SEMA6D: variants seen among roughly 807,000 people sequenced by gnomAD.
SEMA6D encodes semaphorin-6D.
Under a neutral mutation model 106.6 loss-of-function variants are expected in SEMA6D, and 35 were observed. That is an observed-to-expected ratio of 0.33 (90% CI 0.25 to 0.44). SEMA6D has a LOEUF of 0.44. Among genes scored for constraint, SEMA6D ranks in the 20% least tolerant of loss-of-function variants. SEMA6D has a pLI of 1.00. For synonymous variants in SEMA6D, 499 were observed against 487.7 expected (o/e 1.02, Z -0.31); for missense variants, 1,185 against 1,345.9 (o/e 0.88, Z 1.87).
rs531639816 is a variant in SEMA6D at position 47,520,633 on chromosome 15, G to C, written c.-87+50088G>C. Among the ~76,000 whole-genome samples the C allele has an allele frequency of 3.3e-5, 5 of 152,344 alleles. No homozygotes were observed. The East Asian group carries it at 5.8e-4, about 18-fold the overall frequency. ...CTTCAGAAACTTCTGGAAGCTGGTT[G>C]TTTCTGAGAAGTATTCTGTGAACAC... On this transcript the variant is annotated intron_variant, in intron 3 of 19. Transcript: ENST00000558014.
intron 3 of SEMA6D, among the ~76,000 whole-genome samples, chr15:47,480,518 G>A (rs113136474): frequency 0.035 from 5,302 of 152,024 alleles, 239 homozygotes; most frequent in African/African-American, 0.1. Flanking sequence ...CTCTGCATTC[G>A]TCAGCTTCCC....
At chr15:47,362,269 T>G (rs2038840341) in intron 1 of SEMA6D, among the ~76,000 whole-genome samples, 1 of 152,166 alleles carries the variant, frequency 6.6e-6, no homozygotes, top group Non-Finnish European at 1.5e-5. Context: ...GGTGAAGCTC[T>G]GTGAGAATAG....
intron 2 of SEMA6D, among the ~76,000 whole-genome samples, chr15:47,442,710 C>A (rs557911689): frequency 6.6e-6 from 1 of 152,114 alleles, no homozygotes; most frequent in Non-Finnish European, 1.5e-5. Context: ...TTGCTCAGAT[C>A]TGGAATGCCT....
At chr15:47,263,154 A>G (rs2034155765) in intron 1 of SEMA6D, among the ~76,000 whole-genome samples, 1 of 152,192 alleles carries the variant, frequency 6.6e-6, no homozygotes, top group Non-Finnish European at 1.5e-5. Flanking sequence ...TTTTATGATG[A>G]AGATGCCAAA....
chr15:47,270,840 A>C (rs1175004805), intron 1 of SEMA6D, among the ~76,000 whole-genome samples: 1 of 114,914 alleles, frequency 8.7e-6, no homozygotes, highest in Non-Finnish European at 2.2e-5. Context: ...CTAAAAATAC[A>C]AAAAAAAAGC....
chr15:47,455,183 T>C (rs988297028), intron 2 of SEMA6D, among the ~76,000 whole-genome samples: 4 of 151,742 alleles, frequency 2.6e-5, no homozygotes, highest in Admixed American at 6.6e-5. Context: ...GAGACCATAA[T>C]TGGAGGAAGA....
At chr15:47,674,004 T>C (rs2078190777) in intron 4 of SEMA6D, among the ~76,000 whole-genome samples, 1 of 152,130 alleles carries the variant, frequency 6.6e-6, no homozygotes, top group Non-Finnish European at 1.5e-5. Context: ...TCCATTCCTT[T>C]TGGCGGGTTT....
intron 3 of SEMA6D, among the ~76,000 whole-genome samples, chr15:47,760,665 A>G (rs200863475): frequency 7.6e-5 from 4 of 52,560 alleles, no homozygotes; most frequent in South Asian, 6.2e-4. Context: ...GCAGCAGGGG[A>G]AAAAAAAAAA....
At chr15:47,288,250 T>G (rs569305084) in intron 1 of SEMA6D, among the ~76,000 whole-genome samples, 1 of 152,290 alleles carries the variant, frequency 6.6e-6, no homozygotes, top group African/African-American at 2.4e-5. Flanking sequence ...CATTTCTATC[T>G]TGGCTTGCTG....
chr15:47,552,577 A>G (rs2045737576), intron 3 of SEMA6D, among the ~76,000 whole-genome samples: 1 of 144,366 alleles, frequency 6.9e-6, no homozygotes, highest in Non-Finnish European at 1.5e-5. Flanking sequence ...GGCACCAAGA[A>G]GTGTATGTAT....
intron 1 of SEMA6D, among the ~76,000 whole-genome samples, chr15:47,725,214 G>A (rs937617919): frequency 1.3e-5 from 2 of 152,158 alleles, no homozygotes; most frequent in Admixed American, 1.3e-4. Flanking sequence ...CAGGTTTTTT[G>A]AGGCTATAGT....
chr15:47,253,695 A>G (rs756904159), intron 1 of SEMA6D, among the ~76,000 whole-genome samples: 2 of 152,042 alleles, frequency 1.3e-5, no homozygotes, highest in Non-Finnish European at 2.9e-5. Flanking sequence ...TCTCTATTCT[A>G]TCCCATTGGT....
chr15:47,694,062 C>T (rs962371079), intron 4 of SEMA6D, among the ~76,000 whole-genome samples: 5 of 152,096 alleles, frequency 3.3e-5, no homozygotes, highest in African/African-American at 1.2e-4. Context: ...GAGTGGTCCT[C>T]AAAGAGTAGC....
chr15:47,206,314 A>G (rs1400960590), intron 1 of SEMA6D, among the ~76,000 whole-genome samples: 2 of 152,172 alleles, frequency 1.3e-5, no homozygotes, highest in Non-Finnish European at 2.9e-5. Context: ...ATGAAAAAGA[A>G]CTCATGGCCA....
At chr15:47,766,980 A>T (rs1244505297) in intron 16 of SEMA6D, 57 bp from the exon 17 acceptor site, 27 of 1,006,486 alleles carry the variant, frequency 2.7e-5, no homozygotes, top group East Asian at 5.4e-5. Flanking sequence ...GAATTCATAA[A>T]TTTTTGCTTT....
At chr15:47,739,732 A>G (rs1027990976) in intron 1 of SEMA6D, among the ~76,000 whole-genome samples, 1 of 152,224 alleles carries the variant, frequency 6.6e-6, no homozygotes, top group African/African-American at 2.4e-5. Flanking sequence ...CTTCCAAAGA[A>G]TATTCCAAGA....
chr15:47,673,323 A>C (rs963006775), intron 4 of SEMA6D, among the ~76,000 whole-genome samples: 1 of 152,246 alleles, frequency 6.6e-6, no homozygotes, highest in Non-Finnish European at 1.5e-5. Flanking sequence ...CAGGCTGTGA[A>C]GGATGAGAAA....
At chr15:47,605,287 C>T (rs1361712059) in intron 4 of SEMA6D, 1 of 152,158 alleles carries the variant, frequency 6.6e-6, no homozygotes, top group African/African-American at 2.4e-5. Context: ...CTTACATGTT[C>T]GCCTCTCCAT....
rs201080850 is a variant in SEMA6D at position 47,264,353 on chromosome 15, T to TC, written c.-239+79935_-239+79936insC. ...CTGAATTTAAAAGGTTTTTTTTTTT[T>TC]AAATATTGTGCAAGGTTTTTGGGGG... On this transcript the variant is annotated intron_variant, in intron 1 of 19. Coordinates refer to the SEMA6D transcript ENST00000558014. Among the ~76,000 whole-genome samples the TC allele has an allele frequency of 1.3e-5, 2 of 151,770 alleles. 1 individual carries two copies. The highest frequency in any genetic ancestry group is 1.3e-4 in the Admixed American group (2 of 15,198).
Sources: allele counts gnomAD v4.1 joint callset (sites outside exome capture counted in the v4.1 genomes callset), GRCh38; gene constraint gnomAD v4.1.1; transcripts MANE v1.5; gene names NCBI Gene and HGNC (gene_info 2026-07-23, HGNC 2026-07-21).